Variants in CALN1 observed in about 807,000 individuals in gnomAD.
CALN1 encodes the protein calneuron 1.
A neutral mutation model predicts 30.6 loss-of-function variants in CALN1; 17 were observed. That is an observed-to-expected ratio of 0.56 (90% confidence interval 0.38 to 0.83). The LOEUF (loss-of-function observed/expected upper bound fraction) is 0.83. Among genes scored for constraint, CALN1 ranks in the 40% least tolerant of loss-of-function variants. The probability of loss-of-function intolerance (pLI) is 0.00; values close to 1 mark genes in which losing one functional copy is unlikely to be tolerated. For synonymous variants in CALN1, 156 were observed against 131.4 expected, an observed-to-expected ratio of 1.19 and a Z score of -1.28; for missense variants, 291 against 354.9, an observed-to-expected ratio of 0.82 and a Z score of 1.45.
intron 5 of CALN1, among the ~76,000 whole-genome samples, chr7:71,956,253 G>A (rs1356023285): frequency 1.3e-5 from 2 of 152,040 alleles, no homozygotes; most frequent in African/African-American, 2.4e-5. Flanking sequence ...CTCCCAAAGT[G>A]CTGGGATTAT....
chr7:72,440,903 C>T (rs1480174096), intron 1 of CALN1, among the ~76,000 whole-genome samples: 4 of 152,104 alleles, frequency 2.6e-5, no homozygotes, highest in Non-Finnish European at 1.5e-5. Context: ...ACTGATCTTG[C>T]TCCTCTGTTC....
chr7:72,167,230 G>C (rs539113427), intron 3 of CALN1, among the ~76,000 whole-genome samples: 1 of 152,310 alleles, frequency 6.6e-6, no homozygotes, highest in African/African-American at 2.4e-5. Flanking sequence ...AACAATACCA[G>C]TAGGCATGTT....
intron 3 of CALN1, among the ~76,000 whole-genome samples, chr7:72,110,883 C>T (rs904840995): frequency 1.3e-5 from 2 of 152,028 alleles, no homozygotes; most frequent in African/African-American, 2.4e-5. Flanking sequence ...GTAAAACCCA[C>T]GGAGACATTG....
chr7:72,195,427 G>C (rs910786717), intron 3 of CALN1, among the ~76,000 whole-genome samples: 10 of 152,282 alleles, frequency 6.6e-5, no homozygotes, highest in African/African-American at 2.2e-4. Context: ...ACCCCGGCTG[G>C]AGTGCGGTGA....
intron 4 of CALN1, among the ~76,000 whole-genome samples, chr7:72,028,564 G>A (rs1024267141): frequency 4.6e-5 from 7 of 152,230 alleles, no homozygotes; most frequent in Non-Finnish European, 8.8e-5. Flanking sequence ...CAACTATGGC[G>A]TGGAGTACAC....
chr7:72,373,316 A>G (rs1057242696), intron 2 of CALN1, among the ~76,000 whole-genome samples: 1 of 152,126 alleles, frequency 6.6e-6, no homozygotes, highest in Non-Finnish European at 1.5e-5. Flanking sequence ...CAGAAAAAAC[A>G]TATGATGCAG....
At chr7:72,087,604 G>A (rs1805564544) in intron 4 of CALN1, among the ~76,000 whole-genome samples, 1 of 152,132 alleles carries the variant, frequency 6.6e-6, no homozygotes. Context: ...AGAGGAGAAA[G>A]CATTGTTACA....
At chr7:72,006,313 G>A (rs762750794) in intron 5 of CALN1, among the ~76,000 whole-genome samples, 1 of 152,082 alleles carries the variant, frequency 6.6e-6, no homozygotes, top group Admixed American at 6.5e-5. Context: ...TCAGTAAAAG[G>A]CTTCTAACAA....
intron 5 of CALN1, among the ~76,000 whole-genome samples, chr7:72,004,158 T>C (rs1215389197): frequency 6.6e-6 from 1 of 152,174 alleles, no homozygotes; most frequent in African/African-American, 2.4e-5. Flanking sequence ...GTAATCAAAA[T>C]AGTGTAGAAT....
intron 1 of CALN1, among the ~76,000 whole-genome samples, chr7:72,430,127 T>C (rs1807927424): frequency 6.6e-6 from 1 of 150,610 alleles, no homozygotes; most frequent in African/African-American, 2.4e-5. Flanking sequence ...CCTGTAATTA[T>C]ATATTTTAAC....
At chr7:71,945,318 T>G (rs1395400233) in intron 5 of CALN1, among the ~76,000 whole-genome samples, 2 of 152,192 alleles carry the variant, frequency 1.3e-5, no homozygotes, top group African/African-American at 4.8e-5. Context: ...GGGTATTCCT[T>G]TATAGCAACA....
chr7:71,946,348 G>A (rs150559296), intron 5 of CALN1, among the ~76,000 whole-genome samples: 1,935 of 150,844 alleles, frequency 0.013, 24 homozygotes, highest in Non-Finnish European at 0.017. Context: ...TACATCTAGC[G>A]GGTTCCATTT....
chr7:72,207,256 A>C (rs1187815945), intron 3 of CALN1, among the ~76,000 whole-genome samples: 2 of 152,018 alleles, frequency 1.3e-5, no homozygotes, highest in Non-Finnish European at 2.9e-5. Flanking sequence ...GGGAGGGAAG[A>C]ACTTATTCTT....
chr7:72,411,058 G>A (rs944630061), intron 1 of CALN1, among the ~76,000 whole-genome samples: 1 of 152,068 alleles, frequency 6.6e-6, no homozygotes, highest in African/African-American at 2.4e-5. Flanking sequence ...ATTAGAATAA[G>A]ACCAACATAC....
At chr7:72,221,473 G>A (rs549200238) in intron 3 of CALN1, among the ~76,000 whole-genome samples, 5 of 151,952 alleles carry the variant, frequency 3.3e-5, no homozygotes, top group African/African-American at 9.6e-5. Flanking sequence ...ACCCGCCATC[G>A]TGCCTGGCTA....
At chr7:72,273,189 T>C (rs986618080) in intron 3 of CALN1, among the ~76,000 whole-genome samples, 18 of 152,070 alleles carry the variant, frequency 1.2e-4, no homozygotes, top group Admixed American at 4.6e-4. Context: ...ATCCCAACAC[T>C]TTGGGAGGCC....
At chr7:72,089,717 A>G (rs904021518) in intron 4 of CALN1, among the ~76,000 whole-genome samples, 12 of 152,206 alleles carry the variant, frequency 7.9e-5, no homozygotes, top group African/African-American at 2.7e-4. Flanking sequence ...TTTAAAGAAC[A>G]TTTGCACTGA....
chr7:72,362,727 G>T (rs1214219497), intron 2 of CALN1, among the ~76,000 whole-genome samples: 1 of 152,036 alleles, frequency 6.6e-6, no homozygotes, highest in African/African-American at 2.4e-5. Context: ...CCGTTGTCCT[G>T]GGGACTCTCC....
At chr7:72,429,084 C>T (rs1807891421) in intron 1 of CALN1, among the ~76,000 whole-genome samples, 1 of 152,162 alleles carries the variant, frequency 6.6e-6, no homozygotes, top group South Asian at 2.1e-4. Context: ...CCCAACAGAA[C>T]CCTTAGTCTG....
Sources: gnomAD v4.1 joint callset for allele counts (sites outside exome capture counted in the v4.1 genomes callset) on GRCh38, gnomAD v4.1.1 for gene constraint, MANE v1.5 for transcripts, NCBI Gene and HGNC (gene_info 2026-07-23, HGNC 2026-07-21) for gene names.